PTPRC: variants seen among roughly 807,000 people sequenced by gnomAD.
PTPRC encodes protein tyrosine phosphatase receptor type C, also known as receptor-type tyrosine-protein phosphatase C.
PTPRC carries 44 observed loss-of-function variants against 155.9 expected under a neutral mutation model. The observed-to-expected ratio is 0.28, with a 90% CI of 0.22 to 0.36. The LOEUF is 0.36. Among genes scored for constraint, PTPRC ranks in the 10% least tolerant of loss-of-function variants. The pLI, the probability that PTPRC is intolerant of heterozygous loss-of-function variation, is 1.00. For missense variants in PTPRC, 1,401 were observed against 1,564.6 expected, an observed-to-expected ratio of 0.90 and a Z score of 1.76; for synonymous variants, 525 against 533.1, an observed-to-expected ratio of 0.98 and a Z score of 0.21.
At chr1:198,694,880 T>C in intron 3 of PTPRC, 1 of 966,986 alleles carries the variant, frequency 1.0e-6, no homozygotes, top group Non-Finnish European at 1.2e-6. Context: ...AGACTAGAGG[T>C]AGTTACTATC....
intron 2 of PTPRC, among the ~76,000 whole-genome samples, chr1:198,677,882 A>T (rs1338040188): frequency 6.6e-6 from 1 of 152,194 alleles, no homozygotes; most frequent in African/African-American, 2.4e-5. Context: ...CTGAGCTAGG[A>T]TTCAAAACTA....
At chr1:198,642,527 C>T (rs1307376546) in intron 2 of PTPRC, among the ~76,000 whole-genome samples, 1 of 151,830 alleles carries the variant, frequency 6.6e-6, no homozygotes, top group Non-Finnish European at 1.5e-5. Flanking sequence ...CATCTCTAGA[C>T]TCATCCCTCA....
At chr1:198,714,401 G>A (rs2102432519) in intron 12 of PTPRC, among the ~76,000 whole-genome samples, 1 of 152,170 alleles carries the variant, frequency 6.6e-6, no homozygotes, top group South Asian at 2.1e-4. Flanking sequence ...TAATGAGTTA[G>A]TAGCAACTCA....
At chr1:198,679,158 C>T in intron 2 of PTPRC, 1 of 213,062 alleles carries the variant, frequency 4.7e-6, no homozygotes. Context: ...GCTGCTCCTG[C>T]AGTTTGGGCA....
At chr1:198,672,493 G>T (rs1003895392) in intron 2 of PTPRC, among the ~76,000 whole-genome samples, 7 of 151,866 alleles carry the variant, frequency 4.6e-5, no homozygotes, top group African/African-American at 1.7e-4. Context: ...TGTTTAATAC[G>T]GAGTCTTGCT....
intron 2 of PTPRC, among the ~76,000 whole-genome samples, chr1:198,681,013 G>A (rs1480991518): frequency 6.6e-6 from 1 of 152,058 alleles, no homozygotes; most frequent in African/African-American, 2.4e-5. Flanking sequence ...ATCACATAGA[G>A]ATATTATGAG....
At chr1:198,680,901 C>T (rs1665285237) in intron 2 of PTPRC, among the ~76,000 whole-genome samples, 1 of 152,018 alleles carries the variant, frequency 6.6e-6, no homozygotes, top group South Asian at 2.1e-4. Context: ...TTCTAGTAGA[C>T]CTGGGATTGA....
intron 28 of PTPRC, 123 bp from the exon 29 acceptor site, chr1:198,750,369 A>C (rs757997511): frequency 2.0e-6 from 2 of 1,003,352 alleles, no homozygotes; most frequent in Non-Finnish European, 1.6e-6. Flanking sequence ...AAACATAAGA[A>C]TATTACTATT....
intron 2 of PTPRC, among the ~76,000 whole-genome samples, chr1:198,673,523 C>T (rs1664769276): frequency 6.6e-6 from 1 of 152,066 alleles, no homozygotes; most frequent in Admixed American, 6.6e-5. Context: ...GTGCTGTGTA[C>T]ATGCTCAGTC....
chr1:198,721,692 T>G (rs1279916805), intron 14 of PTPRC, among the ~76,000 whole-genome samples: 1 of 152,030 alleles, frequency 6.6e-6, no homozygotes, highest in East Asian at 1.9e-4. Flanking sequence ...GAATAATTTT[T>G]ACAGCTCTAT....
intron 15 of PTPRC, among the ~76,000 whole-genome samples, chr1:198,722,821 C>T (rs1014655114): frequency 1.3e-5 from 2 of 151,546 alleles, no homozygotes; most frequent in African/African-American, 2.4e-5. Context: ...TTTATTCTGT[C>T]TCTTCAGCAT....
At chr1:198,744,235 C>A in intron 26 of PTPRC, 32 bp downstream of exon 26, 1 of 1,567,956 alleles carries the variant, frequency 6.4e-7, no homozygotes, top group Non-Finnish European at 8.7e-7. Flanking sequence ...ATAATAATTA[C>A]AGATAACTTT....
At chr1:198,729,047 C>A in intron 16 of PTPRC, 90 bp from the exon 17 acceptor site, 1 of 1,425,274 alleles carries the variant, frequency 7.0e-7, no homozygotes, top group South Asian at 1.3e-5. Flanking sequence ...TTCCTTTGTT[C>A]CTTCAATATA....
intron 23 of PTPRC, 90 bp downstream of exon 23, chr1:198,735,342 C>T (rs1224353426): frequency 9.3e-6 from 11 of 1,180,732 alleles, no homozygotes; most frequent in Non-Finnish European, 1.3e-5. Flanking sequence ...TAAAATATAT[C>T]AGGAAAAATT....
At chr1:198,653,777 G>A (rs946104086) in intron 2 of PTPRC, among the ~76,000 whole-genome samples, 1 of 151,806 alleles carries the variant, frequency 6.6e-6, no homozygotes, top group African/African-American at 2.4e-5. Context: ...AGGAAATTAT[G>A]TGCCTTTTAT....
intron 2 of PTPRC, among the ~76,000 whole-genome samples, chr1:198,654,243 C>T (rs1355272045): frequency 6.6e-6 from 1 of 151,772 alleles, no homozygotes; most frequent in Non-Finnish European, 1.5e-5. Flanking sequence ...CATCAAAATG[C>T]TGTTAAAATG....
In PTPRC at chr1:198,748,089, G is replaced by GGT; in HGVS notation, c.2848-20_2848-19insGT. The GGT allele has an allele frequency of 4.8e-6, 7 of 1,473,234 alleles. No homozygotes were observed. Among genetic ancestry groups the GGT allele is most frequent in the Middle Eastern group, 2.4e-4 (1 of 4,112 alleles). The allele number at this position is 1,473,234 out of a possible 1,614,324, so 91.3% of individuals were successfully genotyped here. On this transcript the variant is annotated intron_variant, in intron 26 of 32. Transcript: ENST00000442510. ...ATTTACATTTTAAAGGAGTTTTTCT[G>GGT]TTTTTTTTTTTTTTTTCAGAGACTT... is the stretch of plus-strand genomic sequence containing the variant.
chr1:198,731,135 C>T (rs187747753), intron 17 of PTPRC, among the ~76,000 whole-genome samples: 88 of 152,018 alleles, frequency 5.8e-4, no homozygotes, highest in African/African-American at 2.0e-3. Context: ...ACTTGTTTCA[C>T]CATTTAGTGT....
chr1:198,747,005 C>T (rs1363406103), intron 26 of PTPRC, among the ~76,000 whole-genome samples: 3 of 151,708 alleles, frequency 2.0e-5, no homozygotes, highest in African/African-American at 4.8e-5. Flanking sequence ...TATACACACA[C>T]GTATCTACAT....
Sources: gnomAD v4.1 joint callset for allele counts (sites outside exome capture counted in the v4.1 genomes callset) on GRCh38, gnomAD v4.1.1 for gene constraint, MANE v1.5 for transcripts, NCBI Gene and HGNC (gene_info 2026-07-23, HGNC 2026-07-21) for gene names.